ASH1L: variants seen among roughly 807,000 people sequenced by gnomAD.
ASH1L encodes histone-lysine N-methyltransferase ASH1L.
ASH1L carries 23 observed loss-of-function variants against 269.0 expected under a neutral mutation model. The ratio of observed to expected loss-of-function variants is 0.09; its 90% confidence interval spans 0.06 to 0.12. ASH1L has a LOEUF of 0.12. Ranked by LOEUF, ASH1L falls within the 10% of genes least tolerant of loss-of-function variation. The probability of loss-of-function intolerance (pLI) is 1.00; values close to 1 mark genes in which losing one functional copy is unlikely to be tolerated. For missense variants in ASH1L, 2,912 were observed against 3,567.8 expected, an observed-to-expected ratio of 0.82 and a Z score of 4.68; for synonymous variants, 1,187 against 1,253.5, an observed-to-expected ratio of 0.95 and a Z score of 1.12.
chr1:155,347,350 A>G (rs1653444347), intron 20 of ASH1L, among the ~76,000 whole-genome samples: 1 of 152,152 alleles, frequency 6.6e-6, no homozygotes, highest in Non-Finnish European at 1.5e-5. Context: ...GAGGTTGCAG[A>G]GAGCTGAGAT....
At chr1:155,461,108 T>C (rs1474892323) in intron 3 of ASH1L, among the ~76,000 whole-genome samples, 2 of 152,114 alleles carry the variant, frequency 1.3e-5, no homozygotes, top group Non-Finnish European at 2.9e-5. Flanking sequence ...AAAGGTACAA[T>C]AAATCAAAAA....
chr1:155,472,325 T>C (rs1198795767), intron 3 of ASH1L, among the ~76,000 whole-genome samples: 3 of 152,024 alleles, frequency 2.0e-5, no homozygotes, highest in Non-Finnish European at 4.4e-5. Context: ...AAAAGACAAA[T>C]TCGTACTTAA....
chr1:155,489,490 G>A (rs916843000), intron 2 of ASH1L, among the ~76,000 whole-genome samples: 9 of 136,276 alleles, frequency 6.6e-5, no homozygotes, highest in Non-Finnish European at 1.3e-4. Context: ...AAAAAAAAGG[G>A]CTGGGCACGG....
At chr1:155,515,373 G>T (rs1571035111) in intron 2 of ASH1L, among the ~76,000 whole-genome samples, 2 of 152,128 alleles carry the variant, frequency 1.3e-5, no homozygotes, top group South Asian at 2.1e-4. Context: ...CAACCAGCAG[G>T]ATGCGTAAAA....
At chr1:155,547,756 A>G (rs893454230) in intron 1 of ASH1L, among the ~76,000 whole-genome samples, 1 of 151,714 alleles carries the variant, frequency 6.6e-6, no homozygotes, top group Non-Finnish European at 1.5e-5. Flanking sequence ...GTGGCTCATG[A>G]AGTCAGGAGA....
intron 1 of ASH1L, among the ~76,000 whole-genome samples, chr1:155,546,648 C>T (rs1166968096): frequency 1.3e-5 from 2 of 151,626 alleles, no homozygotes; most frequent in Non-Finnish European, 2.9e-5. Flanking sequence ...GTCCCAGCTA[C>T]TCGGGAGGCT....
At chr1:155,526,278 C>A (rs564711853) in intron 1 of ASH1L, among the ~76,000 whole-genome samples, 1 of 152,282 alleles carries the variant, frequency 6.6e-6, no homozygotes, top group East Asian at 1.9e-4. Flanking sequence ...TGGCATGTAG[C>A]AAATGTCTTT....
intron 10 of ASH1L, among the ~76,000 whole-genome samples, chr1:155,372,207 G>C (rs980624151): frequency 1.3e-5 from 2 of 151,720 alleles, no homozygotes; most frequent in Admixed American, 6.6e-5. Context: ...GGCCAGGCTG[G>C]TTTCGAACTC....
In ASH1L at chr1:155,465,771, T is replaced by C. The variant is rs191858348; in HGVS notation, c.4985-5873A>G. On this transcript the variant is annotated intron_variant, in intron 3 of 27. Coordinates refer to ENST00000392403, the MANE Select transcript of ASH1L (RefSeq NM_018489.3). ...TTGGTTGTAATAAAAATGGCTACCA[T>C]AGTAAAGGAATATGAACATAAAATA... 3.3e-5 allele frequency among the ~76,000 whole-genome samples: 5 copies of C among 152,300 alleles called. No individual in the cohort carries two copies. In the East Asian group the frequency reaches 7.7e-4, roughly 24 times the overall value.
In ASH1L at chr1:155,336,388, C is replaced by A. The variant is rs1389645208; in HGVS notation, c.*1272G>T. ...ACACACACATATATATATACACACA[C>A]ATACACACATATATATACACACACA... On this transcript the variant is annotated 3_prime_UTR_variant, in exon 28 of 28. Coordinates refer to ENST00000392403, the MANE Select transcript of ASH1L (RefSeq NM_018489.3). 1 of 151,744 alleles carries A rather than the reference C, an allele frequency of 6.6e-6. No individual in the cohort carries two copies. The highest frequency in any genetic ancestry group is 1.5e-5 in the Non-Finnish European group (1 of 67,838). 9.4% of individuals were successfully genotyped at this position (151,744 alleles called of 1,614,324 possible). A position where few individuals can be genotyped will look rare whatever the true frequency, so the allele number is the denominator to read the frequency against.
chr1:155,502,711 T>C (rs1236315289), intron 2 of ASH1L, among the ~76,000 whole-genome samples: 1 of 152,200 alleles, frequency 6.6e-6, no homozygotes, highest in Non-Finnish European at 1.5e-5. Flanking sequence ...TTTCACAGAA[T>C]TGGGGGATGT....
intron 1 of ASH1L, among the ~76,000 whole-genome samples, chr1:155,528,877 G>A (rs1460689030): frequency 6.6e-6 from 1 of 151,946 alleles, no homozygotes; most frequent in South Asian, 2.1e-4. Flanking sequence ...ATAAGCCCCA[G>A]TGTGTGTTGT....
intron 4 of ASH1L, among the ~76,000 whole-genome samples, chr1:155,455,644 G>A (rs772109850): frequency 2.3e-4 from 35 of 152,176 alleles, no homozygotes; most frequent in Non-Finnish European, 4.6e-4. Context: ...TACAATATAT[G>A]AGAAAGCTAG....
intron 4 of ASH1L, among the ~76,000 whole-genome samples, chr1:155,449,003 G>T (rs188750915): frequency 6.6e-6 from 1 of 151,570 alleles, no homozygotes; most frequent in East Asian, 2.0e-4. Flanking sequence ...GCACGATCTC[G>T]TCTCACTGCA....
intron 5 of ASH1L, among the ~76,000 whole-genome samples, chr1:155,416,153 C>T (rs1277628652): frequency 1.3e-5 from 2 of 151,378 alleles, no homozygotes; most frequent in African/African-American, 2.4e-5. Context: ...TTTTTTGAGT[C>T]GGAATCTTTC....
chr1:155,555,496 CAAAAAAA>C (rs57151613), intron 1 of ASH1L, among the ~76,000 whole-genome samples: 3 of 55,112 alleles, frequency 5.4e-5, no homozygotes, highest in Non-Finnish European at 8.5e-5. Context: ...GACTCTGTCT[CAAAAAAA>C]AAAAAAAAAA....
intron 1 of ASH1L, among the ~76,000 whole-genome samples, chr1:155,545,377 T>C (rs1670737217): frequency 6.6e-6 from 1 of 151,608 alleles, no homozygotes; most frequent in Admixed American, 6.6e-5. Context: ...AATCCTACTT[T>C]TGAGACTCCT....
At chr1:155,401,963 G>A (rs747639829) in intron 6 of ASH1L, among the ~76,000 whole-genome samples, 25 of 151,670 alleles carry the variant, frequency 1.6e-4, no homozygotes, top group African/African-American at 2.7e-4. Flanking sequence ...GGTGGCAGGC[G>A]CCTGTTATCT....
chr1:155,485,468 A>T (rs183783052), intron 2 of ASH1L, among the ~76,000 whole-genome samples: 1 of 152,186 alleles, frequency 6.6e-6, no homozygotes, highest in South Asian at 2.1e-4. Context: ...TAACAGGCAC[A>T]AGCCATCTTG....
Sources: gnomAD v4.1 joint callset for allele counts (sites outside exome capture counted in the v4.1 genomes callset) on GRCh38, gnomAD v4.1.1 for gene constraint, MANE v1.5 for transcripts, NCBI Gene and HGNC (gene_info 2026-07-23, HGNC 2026-07-21) for gene names.